FBXL13: variants seen among roughly 807,000 people sequenced by gnomAD.
The protein encoded by FBXL13 is F-box and leucine-rich repeat protein 13.
Under a neutral mutation model 83.6 loss-of-function variants are expected in FBXL13, and 67 were observed. The ratio of observed to expected loss-of-function variants is 0.80; its 90% CI spans 0.66 to 0.98. The LOEUF is 0.98. FBXL13 is among the 50% of genes least tolerant of loss of function. The pLI is 0.00. For synonymous variants in FBXL13, 272 were observed against 299.5 expected, an observed-to-expected ratio of 0.91 and a Z score of 0.95; for missense variants, 822 against 866.5, an observed-to-expected ratio of 0.95 and a Z score of 0.64.
At chr7:103,055,236 A>C (rs1426417696) in intron 2 of FBXL13, 58 bp from the exon 3 acceptor site, 1 of 928,746 alleles carries the variant, frequency 1.1e-6, no homozygotes. Flanking sequence ...TTAGTTCCGT[A>C]ATTAAATCAG....
intron 8 of FBXL13, among the ~76,000 whole-genome samples, chr7:102,945,622 G>A (rs1822341077): frequency 6.6e-6 from 1 of 152,126 alleles, no homozygotes; most frequent in Non-Finnish European, 1.5e-5. Flanking sequence ...ATCAGTGGAG[G>A]ATTTTAGACC....
At chr7:102,970,481 T>C (rs1002245562) in intron 6 of FBXL13, among the ~76,000 whole-genome samples, 10 of 152,208 alleles carry the variant, frequency 6.6e-5, no homozygotes, top group African/African-American at 2.2e-4. Context: ...GATATATTAA[T>C]GTGCAAAGAG....
chr7:102,960,888 G>T (rs1209083815), intron 8 of FBXL13, among the ~76,000 whole-genome samples: 1 of 151,830 alleles, frequency 6.6e-6, no homozygotes, highest in Admixed American at 6.6e-5. Flanking sequence ...ATACTGAATG[G>T]GCAAACACTG....
At chr7:102,944,361 C>T (rs149088317) in intron 8 of FBXL13, 6 of 1,613,972 alleles carry the variant, frequency 3.7e-6, no homozygotes, top group Non-Finnish European at 4.2e-6. Context: ...ACATTCACTA[C>T]CTCTACTACT....
At chr7:102,853,766 A>G (rs1450631854) in intron 17 of FBXL13, among the ~76,000 whole-genome samples, 1 of 152,226 alleles carries the variant, frequency 6.6e-6, no homozygotes, top group Non-Finnish European at 1.5e-5. Context: ...AAACACATGA[A>G]AAAATGCTCA....
chr7:102,938,768 A>G (rs927051449), intron 8 of FBXL13, among the ~76,000 whole-genome samples: 1 of 152,236 alleles, frequency 6.6e-6, no homozygotes, highest in Non-Finnish European at 1.5e-5. Context: ...TAAAAGAACT[A>G]AAGAATTTTT....
rs555389384 is a variant in FBXL13 at position 103,053,903 on chromosome 7, A to C, written c.-1+1741T>G. 3.3e-5 allele frequency among the ~76,000 whole-genome samples: 5 copies of C among 152,340 alleles called. No individual in the cohort carries two copies. The South Asian group carries it at 1.0e-3, about 32-fold the overall frequency. ...ACCTCAGAATCATCTCATCCCTCTA[A>C]TTCTGTTTCTCTGTTGCAGACCACT... On this transcript the variant is annotated intron_variant, in intron 2 of 19. Transcript: ENST00000313221.
chr7:103,072,961 C>G (rs956927414), intron 1 of FBXL13, among the ~76,000 whole-genome samples: 1 of 152,206 alleles, frequency 6.6e-6, no homozygotes, highest in Admixed American at 6.5e-5. Context: ...GTACCTACAT[C>G]TGATTTACTG....
chr7:103,009,560 C>G (rs1041929501), intron 6 of FBXL13, among the ~76,000 whole-genome samples: 1 of 152,230 alleles, frequency 6.6e-6, no homozygotes, highest in Non-Finnish European at 1.5e-5. Context: ...GGCAGAAAGC[C>G]AGTCAGACAT....
chr7:102,920,859 G>C (rs1816825068), intron 10 of FBXL13, among the ~76,000 whole-genome samples: 2 of 152,160 alleles, frequency 1.3e-5, no homozygotes, highest in South Asian at 2.1e-4. Flanking sequence ...GTTGATAACA[G>C]TTAAAAACTT....
At chr7:102,877,692 A>G in intron 15 of FBXL13, 99 bp from the exon 17 acceptor site, 1 of 1,265,768 alleles carries the variant, frequency 7.9e-7, no homozygotes, top group Non-Finnish European at 1.1e-6. Context: ...AATGGTATTG[A>G]AGCAAAGATT....
chr7:102,934,744 T>A, intron 8 of FBXL13: 1 of 1,392,618 alleles, frequency 7.2e-7, no homozygotes, highest in Non-Finnish European at 9.8e-7. Flanking sequence ...CTTTGAATCT[T>A]ATAATCCTCC....
chr7:103,022,008 C>T (rs1188092553), intron 6 of FBXL13, among the ~76,000 whole-genome samples: 2 of 152,170 alleles, frequency 1.3e-5, no homozygotes, highest in Non-Finnish European at 2.9e-5. Flanking sequence ...ATAAATCATG[C>T]TGCTATAAAG....
At chr7:103,014,795 C>T (rs192694127) in intron 6 of FBXL13, among the ~76,000 whole-genome samples, 12 of 151,670 alleles carry the variant, frequency 7.9e-5, no homozygotes, top group South Asian at 4.2e-4. Flanking sequence ...AGGTAGCGGG[C>T]GCCTGTAGTC....
At chr7:103,071,583 A>C (rs1798964719) in intron 1 of FBXL13, among the ~76,000 whole-genome samples, 1 of 145,074 alleles carries the variant, frequency 6.9e-6, no homozygotes, top group Admixed American at 7.0e-5. Context: ...ATTTTTGTAC[A>C]CACAGGGTCT....
intron 17 of FBXL13, among the ~76,000 whole-genome samples, chr7:102,835,590 G>A (rs1025777770): frequency 2.7e-5 from 4 of 146,156 alleles, no homozygotes; most frequent in Admixed American, 2.1e-4. Context: ...GTTGCAAGAA[G>A]TAAGGTGACA....
chr7:103,024,133 AAAAGAGAGAGAGAGAG>A (rs1563234245), intron 6 of FBXL13, among the ~76,000 whole-genome samples: 4 of 70,768 alleles, frequency 5.7e-5, no homozygotes, highest in South Asian at 4.6e-4. Context: ...ATAAAAGTTA[AAAAGAGAGAGAGAGAG>A]AGAGAGAGAG....
At chr7:102,858,248 T>G (rs1272379465) in intron 16 of FBXL13, among the ~76,000 whole-genome samples, 1 of 151,850 alleles carries the variant, frequency 6.6e-6, no homozygotes, top group Non-Finnish European at 1.5e-5. Flanking sequence ...TACGAAAAAG[T>G]AGAGTACAAT....
chr7:102,995,821 G>T (rs1462590494), intron 6 of FBXL13, among the ~76,000 whole-genome samples: 1 of 78,890 alleles, frequency 1.3e-5, no homozygotes, highest in South Asian at 4.2e-4. Context: ...ATAAATAAAG[G>T]CATAGTCATA....
Sources: allele counts gnomAD v4.1 joint callset (sites outside exome capture counted in the v4.1 genomes callset), GRCh38; gene constraint gnomAD v4.1.1; transcripts MANE v1.5; gene names NCBI Gene and HGNC (gene_info 2026-07-23, HGNC 2026-07-21).